Variants in KCNH7 observed in about 807,000 individuals in gnomAD.
KCNH7 encodes potassium voltage-gated channel subfamily H member 7.
A neutral mutation model predicts 120.8 loss-of-function variants in KCNH7; 49 were observed. The ratio of observed to expected loss-of-function variants is 0.41; its 90% CI spans 0.32 to 0.51. The LOEUF is 0.51. Among genes scored for constraint, KCNH7 ranks in the 20% least tolerant of loss-of-function variants. The pLI is 0.38. For missense variants in KCNH7, 1,097 were observed against 1,446.6 expected (o/e 0.76, Z 3.92); for synonymous variants, 547 against 516.1 (o/e 1.06, Z -0.81).
intron 7 of KCNH7, among the ~76,000 whole-genome samples, chr2:162,445,493 C>T (rs1688550402): frequency 6.6e-6 from 1 of 152,152 alleles, no homozygotes; most frequent in African/African-American, 2.4e-5. Context: ...AATACATACA[C>T]TTCTCGTATT....
chr2:162,585,712 T>G (rs1440178523), intron 2 of KCNH7, among the ~76,000 whole-genome samples: 1 of 151,910 alleles, frequency 6.6e-6, no homozygotes, highest in African/African-American at 2.4e-5. Context: ...ATGAAATAAT[T>G]CCCAGTTTTA....
At chr2:162,805,551 A>G (rs1350047130) in intron 2 of KCNH7, among the ~76,000 whole-genome samples, 1 of 152,006 alleles carries the variant, frequency 6.6e-6, no homozygotes, top group Non-Finnish European at 1.5e-5. Context: ...TTCCTGCTAC[A>G]AGAATGGCCA....
At chr2:162,507,856 C>A (rs1009436296) in intron 5 of KCNH7, among the ~76,000 whole-genome samples, 2 of 151,422 alleles carry the variant, frequency 1.3e-5, no homozygotes. Flanking sequence ...TTCTTGACTT[C>A]AATGGTAGTT....
chr2:162,642,030 A>C (rs1006419459), intron 2 of KCNH7, among the ~76,000 whole-genome samples: 3 of 152,178 alleles, frequency 2.0e-5, no homozygotes, highest in African/African-American at 7.2e-5. Flanking sequence ...CGATCTGGCC[A>C]CTCAGAGGAC....
rs1454232921 is a variant in KCNH7 at position 162,572,214 on chromosome 2, A to T, written c.308-35134T>A. ...CAAATTTACAAGAAAAAAATAAACA[A>T]CCCCATCAAAAAGTGGGTGAAGGAC... is the stretch of plus-strand genomic sequence containing the variant. On this transcript the variant is annotated intron_variant, in intron 2 of 15. Coordinates refer to ENST00000332142, the MANE Select transcript of KCNH7 (RefSeq NM_033272.4). Among the ~76,000 whole-genome samples, 3 of 151,832 alleles carry T rather than the reference A, an allele frequency of 2.0e-5. No individual in the cohort carries two copies. In the East Asian group the frequency reaches 5.8e-4, roughly 29 times the overall value.
At chr2:162,667,740 A>T (rs1051088004) in intron 2 of KCNH7, among the ~76,000 whole-genome samples, 10 of 152,096 alleles carry the variant, frequency 6.6e-5, no homozygotes, top group African/African-American at 2.4e-4. Context: ...ACTCCACTAC[A>T]TCACCTTGCT....
At chr2:162,703,685 C>T (rs1444735248) in intron 2 of KCNH7, among the ~76,000 whole-genome samples, 2 of 152,094 alleles carry the variant, frequency 1.3e-5, no homozygotes, top group Non-Finnish European at 2.9e-5. Flanking sequence ...TTAAAAAATA[C>T]AGAAGCATAA....
intron 2 of KCNH7, among the ~76,000 whole-genome samples, chr2:162,836,130 T>C (rs572015656): frequency 1.4e-4 from 21 of 152,324 alleles, no homozygotes; most frequent in Non-Finnish European, 2.5e-4. Context: ...GTTTTAGATA[T>C]AGTTTTCAAC....
chr2:162,400,279 C>G lies in KCNH7; in HGVS notation c.2317G>C (p.Val773Leu), dbSNP rs767975805. The change falls in exon 10 of 16, where the codon GTT (valine) becomes CTT (leucine). Residue 773 changes from valine to leucine, a missense_variant. This residue lies in a region of KCNH7 where 101 missense variants were observed against 176.3 expected (regional missense o/e 0.57). Coordinates refer to ENST00000332142, the MANE Select transcript of KCNH7 (RefSeq NM_033272.4). ...GCAGTGAGGACATCCCCACAGTGAA[C>G]GAGGGTGTCTCCTGGAGGTGCATGG... is the stretch of plus-strand genomic sequence containing the variant. ...TTHAPPGDTL[V>L]HCGDVLTALY... The G allele has an allele frequency of 8.7e-6, 14 of 1,612,408 alleles. No individual in the cohort carries two copies. The highest frequency in any genetic ancestry group is 7.6e-6 in the Non-Finnish European group (9 of 1,178,980).
chr2:162,605,761 C>A (rs1248474638), intron 2 of KCNH7, among the ~76,000 whole-genome samples: 2 of 152,068 alleles, frequency 1.3e-5, no homozygotes, highest in Admixed American at 6.6e-5. Flanking sequence ...CTTAAAGTTT[C>A]ATTTTACAGT....
chr2:162,601,494 G>T (rs1337880091), intron 2 of KCNH7, among the ~76,000 whole-genome samples: 1 of 125,374 alleles, frequency 8.0e-6, no homozygotes, highest in Non-Finnish European at 1.6e-5. Flanking sequence ...AACCTTTAAT[G>T]ATCTTGCCAT....
intron 3 of KCNH7, among the ~76,000 whole-genome samples, chr2:162,534,239 G>T (rs375965802): frequency 1.0e-3 from 158 of 151,410 alleles, no homozygotes; most frequent in African/African-American, 3.4e-3. Flanking sequence ...CAATGAAAAA[G>T]AGGCAACAAA....
intron 6 of KCNH7, among the ~76,000 whole-genome samples, chr2:162,496,616 T>G (rs925642310): frequency 7.2e-5 from 11 of 152,146 alleles, no homozygotes; most frequent in Admixed American, 2.6e-4. Context: ...TGCCTACTTT[T>G]TCCTGGTCAT....
At chr2:162,806,495 A>T (rs1455888105) in intron 2 of KCNH7, among the ~76,000 whole-genome samples, 1 of 152,154 alleles carries the variant, frequency 6.6e-6, no homozygotes, top group East Asian at 1.9e-4. Context: ...TTATCTCCAT[A>T]ATTTCTGGGT....
At chr2:162,647,500 G>A (rs1231506641) in intron 2 of KCNH7, among the ~76,000 whole-genome samples, 1 of 152,120 alleles carries the variant, frequency 6.6e-6, no homozygotes, top group African/African-American at 2.4e-5. Context: ...ATATCACCTT[G>A]AATTGTAATA....
chr2:162,408,394 A>C (rs907961738), intron 9 of KCNH7, among the ~76,000 whole-genome samples: 2 of 151,966 alleles, frequency 1.3e-5, no homozygotes, highest in Non-Finnish European at 1.5e-5. Flanking sequence ...AAAATAGCGG[A>C]AGTTATCTTC....
At chr2:162,579,301 A>C (rs572565718) in intron 2 of KCNH7, among the ~76,000 whole-genome samples, 2 of 151,962 alleles carry the variant, frequency 1.3e-5, no homozygotes, top group Non-Finnish European at 2.9e-5. Flanking sequence ...GCCACTTTTT[A>C]GTCTCTCCCG....
rs1318170545 is a variant in KCNH7 at position 162,615,921 on chromosome 2, AG to A, written c.308-78842del. Among the ~76,000 whole-genome samples, 3 of 152,354 alleles carry A rather than the reference AG, an allele frequency of 2.0e-5. No individual in the cohort carries two copies. The East Asian group carries it at 5.8e-4, about 29-fold the overall frequency. On this transcript the variant is annotated intron_variant, in intron 2 of 15. Coordinates refer to ENST00000332142, the MANE Select transcript of KCNH7 (RefSeq NM_033272.4). ...TGGATTGCTTGTAAGTTACTTTTCA[AG>A]TAATTAACAAAATGATGTCCTATTT...
intron 2 of KCNH7, among the ~76,000 whole-genome samples, chr2:162,585,568 A>G (rs1693998405): frequency 6.6e-6 from 1 of 152,082 alleles, no homozygotes; most frequent in South Asian, 2.1e-4. Flanking sequence ...AATAAAATTT[A>G]AATTAATCTT....
Sources: gnomAD v4.1 joint callset for allele counts (sites outside exome capture counted in the v4.1 genomes callset) on GRCh38, gnomAD v4.1.1 for gene constraint, gnomAD v4.1.1 regional missense constraint, MANE v1.5 for transcripts, NCBI Gene and HGNC (gene_info 2026-07-23, HGNC 2026-07-21) for gene names.